DZIP1: variants seen among roughly 807,000 people sequenced by gnomAD.
DZIP1 encodes DAZ interacting zinc finger protein 1, also known as cilium assembly protein DZIP1.
In DZIP1, 97 loss-of-function variants were observed where a neutral mutation model predicts 107.6. The ratio of observed to expected loss-of-function variants is 0.90; its 90% CI spans 0.77 to 1.07. DZIP1 has a LOEUF of 1.07. Among genes scored for constraint, DZIP1 ranks in the 50% least tolerant of loss-of-function variants. The pLI is 0.00. For synonymous variants in DZIP1, 390 were observed against 386.4 expected (o/e 1.01, Z -0.11); for missense variants, 1,035 against 1,063.6 (o/e 0.97, Z 0.37).
Position 95,596,838 on chromosome 13 carries a change from C to G in DZIP1, c.1537+2527G>C, listed in dbSNP as rs77178054. On this transcript the variant is annotated intron_variant, in intron 15 of 22. Transcript: ENST00000376829. ...GCAAACCACTGCCAAAATTGAGCTT[C>G]TCAGGCACTTATCTGCAAAATGTTA... Among the ~76,000 whole-genome samples the G allele has an allele frequency of 2.0e-5, 3 of 152,300 alleles. No homozygotes were observed. The East Asian group carries it at 5.8e-4, about 29-fold the overall frequency.
chr13:95,643,978 A>C (rs1176893575), intron 1 of DZIP1, among the ~76,000 whole-genome samples: 2 of 152,090 alleles, frequency 1.3e-5, no homozygotes, highest in Non-Finnish European at 2.9e-5. Flanking sequence ...GCCACACTCC[A>C]TCGTGGGGCG....
At chr13:95,614,094 G>A (rs967245009) in intron 10 of DZIP1, among the ~76,000 whole-genome samples, 4 of 139,062 alleles carry the variant, frequency 2.9e-5, no homozygotes, top group East Asian at 2.2e-4. Flanking sequence ...CCACTGCACT[G>A]TAGCCCCGGT....
At chr13:95,593,285 A>G (rs2044361086) in intron 16 of DZIP1, among the ~76,000 whole-genome samples, 1 of 152,212 alleles carries the variant, frequency 6.6e-6, no homozygotes, top group Non-Finnish European at 1.5e-5. Flanking sequence ...ACATGCACAC[A>G]TACACACTAT....
intron 7 of DZIP1, among the ~76,000 whole-genome samples, 174 bp from the exon 8 acceptor site, chr13:95,625,103 A>C (rs942500334): frequency 5.9e-5 from 9 of 152,316 alleles, no homozygotes; most frequent in Middle Eastern, 3.4e-3. Flanking sequence ...ATTTTTCTAA[A>C]CTAAAGGCAG....
In DZIP1 at chr13:95,642,038, C is replaced by G; in HGVS notation, c.-9G>C. On this transcript the variant is annotated 5_prime_UTR_variant, in exon 4 of 23. Transcript: ENST00000376829. ...GCTGCCTCAGCTTGCATAGGAGGAG[C>G]CGGGCGGTCTTTACCCAGCCTGGGC... is the stretch of plus-strand genomic sequence containing the variant. The G allele has an allele frequency of 6.4e-7, 1 of 1,567,844 alleles. No homozygotes were observed. The highest frequency in any genetic ancestry group is 8.6e-7 in the Non-Finnish European group (1 of 1,162,802).
At chr13:95,612,548 T>C (rs1419271259) in intron 10 of DZIP1, among the ~76,000 whole-genome samples, 1 of 152,318 alleles carries the variant, frequency 6.6e-6, no homozygotes, top group African/African-American at 2.4e-5. Flanking sequence ...GATGCCCACA[T>C]GGGCCATCCT....
At chr13:95,589,685 C>A (rs2044259269) in intron 18 of DZIP1, 118 bp downstream of exon 18, 1 of 1,357,672 alleles carries the variant, frequency 7.4e-7, no homozygotes, top group Non-Finnish European at 1.0e-6. Flanking sequence ...GGACTTTCAG[C>A]CTCCAAAATG....
chr13:95,630,236 G>A, intron 6 of DZIP1, 123 bp from the exon 7 acceptor site: 2 of 1,258,552 alleles, frequency 1.6e-6, no homozygotes, highest in East Asian at 2.7e-5. Flanking sequence ...ACGATTACTT[G>A]TTTCATGCCA....
intron 6 of DZIP1, 63 bp downstream of exon 6, chr13:95,633,171 C>G (rs1267222385): frequency 2.7e-6 from 4 of 1,458,382 alleles, no homozygotes; most frequent in Non-Finnish European, 3.8e-6. Context: ...TGGACCAAGT[C>G]TCATTGCCAA....
intron 8 of DZIP1, among the ~76,000 whole-genome samples, chr13:95,624,245 G>C (rs979110229): frequency 1.8e-4 from 27 of 152,232 alleles, no homozygotes; most frequent in African/African-American, 6.3e-4. Context: ...TTGATTGGCT[G>C]CTTTCTAAAG....
intron 7 of DZIP1, among the ~76,000 whole-genome samples, chr13:95,627,265 T>C (rs1251689659): frequency 6.6e-6 from 1 of 152,202 alleles, no homozygotes; most frequent in Admixed American, 6.5e-5. Context: ...GAAAAAAGAA[T>C]AGTCTCTTGA....
rs1204114594 is a variant in DZIP1, at chr13:95,641,756, C to T, written c.136G>A (p.Ala46Thr). 6.3e-7 allele frequency: 1 copy of T among 1,585,890 alleles called. No homozygotes were observed. The highest frequency in any genetic ancestry group is 8.5e-7 in the Non-Finnish European group (1 of 1,172,654). Reference sequence around the variant, plus strand: ...GGCCCCGAAGCCGCGCTGGGGGGCGCACAGGCCATGGAGGCCGCACCCGCG... The same window carrying T: ...GGCCCCGAAGCCGCGCTGGGGGGCGTACAGGCCATGGAGGCCGCACCCGCG... ...AAAGAASMAC[A>T]PPSAASGPLP... The change falls in exon 5 of 23, where the codon GCG (alanine) becomes ACG (threonine). Residue 46 changes from alanine to threonine, a missense_variant. Physicochemically the swap from Ala to Thr is moderately conservative, Grantham distance 58 (BLOSUM62 0). Transcript: ENST00000376829. The surrounding 1 kb of genome is among the most constrained non-coding windows in gnomAD (Gnocchi z 4.3).
chr13:95,593,479 C>A (rs555201233), intron 16 of DZIP1, among the ~76,000 whole-genome samples: 27 of 151,966 alleles, frequency 1.8e-4, no homozygotes, highest in Admixed American at 1.2e-3. Context: ...TATGATATAC[C>A]AAAATTATTC....
chr13:95,612,670 T>C (rs911441369), intron 10 of DZIP1, among the ~76,000 whole-genome samples: 2 of 152,072 alleles, frequency 1.3e-5, no homozygotes, highest in African/African-American at 4.8e-5. Context: ...CTGCAGCCTC[T>C]GCCTCCTGGC....
At chr13:95,630,526 A>C (rs1029270577) in intron 6 of DZIP1, among the ~76,000 whole-genome samples, 1 of 152,080 alleles carries the variant, frequency 6.6e-6, no homozygotes, top group Non-Finnish European at 1.5e-5. Context: ...CTCTGTGGTC[A>C]CCATCCTTTA....
chr13:95,620,178 G>A (rs955448415), intron 9 of DZIP1, among the ~76,000 whole-genome samples: 1 of 152,172 alleles, frequency 6.6e-6, no homozygotes, highest in Non-Finnish European at 1.5e-5. Context: ...CTGTTCTCAT[G>A]ATAGTGAGTT....
In DZIP1 at chr13:95,641,720, A is replaced by G. The variant is rs776088517; in HGVS notation, c.172T>C (p.Phe58Leu). The change falls in exon 5 of 23, where the codon TTC (phenylalanine) becomes CTC (leucine). Residue 58 changes from phenylalanine to leucine, a missense_variant. Transcript: ENST00000376829. This position sits in a 1 kb window ranked among gnomAD's most constrained non-coding sequence, Gnocchi z 4.3. ...CTCTCCAGCCGCGGCCTGAACTGGA[A>G]GAAGGGCAGGGGCCCCGAAGCCGCG... ...PSAASGPLPF[F>L]QFRPRLESVD... 7.1e-5 allele frequency: 114 copies of G among 1,599,860 alleles called. No homozygotes were observed. The highest frequency in any genetic ancestry group is 9.3e-5 in the Non-Finnish European group (110 of 1,178,360).
At chr13:95,617,692 G>A (rs1875296246) in intron 10 of DZIP1, among the ~76,000 whole-genome samples, 1 of 152,012 alleles carries the variant, frequency 6.6e-6, no homozygotes, top group Non-Finnish European at 1.5e-5. Flanking sequence ...AAAGGCAGGG[G>A]GTGGGGCGGG....
chr13:95,633,017 C>CGA (rs1555314480), intron 6 of DZIP1, among the ~76,000 whole-genome samples: 1 of 152,150 alleles, frequency 6.6e-6, no homozygotes, highest in Non-Finnish European at 1.5e-5. Context: ...ATGTAAAACT[C>CGA]GAGAGAGAGT....
Sources: allele counts gnomAD v4.1 joint callset (sites outside exome capture counted in the v4.1 genomes callset), GRCh38; gene constraint gnomAD v4.1.1; non-coding constraint Gnocchi (gnomAD v3.1); transcripts MANE v1.5; gene names NCBI Gene and HGNC (gene_info 2026-07-23, HGNC 2026-07-21).